The following SOX13 variants were observed in gnomAD, a reference collection of about 807,000 sequenced individuals.
The protein encoded by SOX13 is SRY-box transcription factor 13.
Under a neutral mutation model 71.8 loss-of-function variants are expected in SOX13, and 28 were observed. The observed-to-expected ratio is 0.39, with a 90% confidence interval of 0.29 to 0.53. The LOEUF is 0.53. Among genes scored for constraint, SOX13 ranks in the 20% least tolerant of loss-of-function variants. The probability of loss-of-function intolerance (pLI) is 0.70; values close to 1 mark genes in which losing one functional copy is unlikely to be tolerated. For missense variants in SOX13, 627 were observed against 810.3 expected (o/e 0.77, Z 2.75); for synonymous variants, 309 against 317.8 (o/e 0.97, Z 0.29).
Position 204,073,546 on chromosome 1 carries a change from G to GGGGC in SOX13, c.-165_-162dup, listed in dbSNP as rs1175869817. The GGGGC allele has an allele frequency of 6.6e-6, 1 of 151,584 alleles. No homozygotes were observed. Among genetic ancestry groups the GGGGC allele is most frequent in the Non-Finnish European group, 1.5e-5 (1 of 67,822 alleles). The allele number at this position is 151,584 out of a possible 1,614,324, so 9.4% of individuals were successfully genotyped here. A position where few individuals can be genotyped will look rare whatever the true frequency, so the allele number is the denominator to read the frequency against. On this transcript the variant is annotated 5_prime_UTR_variant, in exon 1 of 14. Coordinates refer to ENST00000367204, the MANE Select transcript of SOX13 (RefSeq NM_005686.3). The surrounding 1 kb of genome is among the most constrained non-coding windows in gnomAD (Gnocchi z 6.8). ...GCAGCGACTCCCCGGCCGACGGCGG[G>GGGGC]GGGCGTGCCCCCTCCCAGCCCAGCC... is the stretch of plus-strand genomic sequence containing the variant.
chr1:204,117,266 C>CA (rs1656713976), intron 6 of SOX13, 76 bp downstream of exon 6: 2 of 1,300,952 alleles, frequency 1.5e-6, no homozygotes, highest in Non-Finnish European at 2.2e-6. Flanking sequence ...GTGCTGGGGA[C>CA]AGGGGATGTG....
intron 1 of SOX13, among the ~76,000 whole-genome samples, chr1:204,091,733 CGTGTGTGTGTGT>C (rs4018610): frequency 6.7e-6 from 1 of 150,276 alleles, no homozygotes; most frequent in African/African-American, 2.5e-5. Context: ...TGTGCGTGTG[CGTGTGTGTGTGT>C]GTGTGTGTGT....
At chr1:204,103,280 A>G (rs1656396498) in intron 1 of SOX13, among the ~76,000 whole-genome samples, 1 of 152,254 alleles carries the variant, frequency 6.6e-6, no homozygotes, top group South Asian at 2.1e-4. Flanking sequence ...AACAACTGCA[A>G]TCCTGTAAGA....
chr1:204,114,645 ATC>A (rs1438180757), intron 4 of SOX13, 40 bp downstream of exon 4: 1 of 1,473,350 alleles, frequency 6.8e-7, no homozygotes. Context: ...TTTGAACCCC[ATC>A]TCTCTTCTCC....
chr1:204,119,078 G>A (rs964506963), intron 7 of SOX13: 3 of 152,416 alleles, frequency 2.0e-5, no homozygotes, highest in South Asian at 2.1e-4. Flanking sequence ...TTCCACAGGC[G>A]AGAAAGAGAG....
At chr1:204,116,072 C>CT (rs1656686639) in intron 4 of SOX13, 1 of 914,910 alleles carries the variant, frequency 1.1e-6, no homozygotes, top group Admixed American at 3.8e-5. Flanking sequence ...GGTAACTTGC[C>CT]TAACAGCTCA....
At chr1:204,087,699 TAG>T (rs1656053678) in intron 1 of SOX13, among the ~76,000 whole-genome samples, 1 of 152,208 alleles carries the variant, frequency 6.6e-6, no homozygotes, top group Non-Finnish European at 1.5e-5. Flanking sequence ...TTGCTGGAAA[TAG>T]AGTTAGATGA....
At chr1:204,111,919 CTA>C (rs1656587399) in intron 1 of SOX13, among the ~76,000 whole-genome samples, 1 of 152,134 alleles carries the variant, frequency 6.6e-6, no homozygotes, top group African/African-American at 2.4e-5. Context: ...AAGAAGAAGA[CTA>C]TATGTCTTAT....
At chr1:204,116,309 C>T (rs2102258590) in intron 4 of SOX13, 198 bp from the exon 5 acceptor site, 1 of 1,536,104 alleles carries the variant, frequency 6.5e-7, no homozygotes, top group East Asian at 2.5e-5. Flanking sequence ...AACTTCTAGG[C>T]TAGTAGTTGC....
chr1:204,105,240 C>T (rs999949900), intron 1 of SOX13, among the ~76,000 whole-genome samples: 11 of 152,268 alleles, frequency 7.2e-5, no homozygotes, highest in Admixed American at 2.6e-4. Context: ...GGCTGGAGCC[C>T]TCTCCTTAGA....
intron 1 of SOX13, among the ~76,000 whole-genome samples, chr1:204,088,171 TCTC>T (rs1318738810): frequency 6.6e-6 from 1 of 152,158 alleles, no homozygotes; most frequent in Non-Finnish European, 1.5e-5. Flanking sequence ...TCATTTACCT[TCTC>T]CTCCCTCACT....
At position 204,113,731 on chromosome 1, in the gene SOX13, G is replaced by A. The variant is rs375105008; in HGVS notation, c.220-590G>A. Among the ~76,000 whole-genome samples the A allele has an allele frequency of 4.6e-5, 7 of 152,208 alleles. No homozygotes were observed. The East Asian group carries it at 5.8e-4, about 13-fold the overall frequency. ...AGCCTGGAGGAAGGAGGTGGGGGGT[G>A]GGGGCACTGGTGATCAAGGAAGGCT... On this transcript the variant is annotated intron_variant, in intron 2 of 13. Transcript: ENST00000367204.
At chr1:204,116,390 A>G in intron 4 of SOX13, 117 bp from the exon 5 acceptor site, 1 of 1,594,712 alleles carries the variant, frequency 6.3e-7, no homozygotes, top group Non-Finnish European at 8.5e-7. Flanking sequence ...TCAGCCCCTA[A>G]TGGTCCTGGG....
rs894736886 is a variant in SOX13, at chr1:204,126,417, C to T, written c.*283C>T. The T allele has an allele frequency of 4.3e-6, 2 of 461,112 alleles. No individual in the cohort carries two copies. Among genetic ancestry groups the T allele is most frequent in the Admixed American group, 3.6e-5 (1 of 27,890 alleles). 28.6% of individuals were successfully genotyped at this position (461,112 alleles called of 1,614,324 possible). ...TGGCCAGGGGACACTGTATGACTCT[C>T]CTCTCCTGCAGGTGTCTATCCACCT... is the stretch of plus-strand genomic sequence containing the variant. On this transcript the variant is annotated 3_prime_UTR_variant, in exon 14 of 14. Coordinates refer to ENST00000367204, the MANE Select transcript of SOX13 (RefSeq NM_005686.3).
chr1:204,121,219 C>A (rs961281849), intron 7 of SOX13, among the ~76,000 whole-genome samples: 1 of 152,088 alleles, frequency 6.6e-6, no homozygotes, highest in Non-Finnish European at 1.5e-5. Flanking sequence ...GAACTCCTGA[C>A]CTTGTGATCC....
intron 1 of SOX13, 23 bp from the exon 2 acceptor site, chr1:204,112,892 A>G (rs1340027227): frequency 6.2e-7 from 1 of 1,601,036 alleles, no homozygotes; most frequent in South Asian, 1.1e-5. Flanking sequence ...GACTCACCTC[A>G]GCTCACTCTG....
intron 1 of SOX13, among the ~76,000 whole-genome samples, chr1:204,104,065 T>C (rs1312235209): frequency 6.6e-6 from 1 of 152,188 alleles, no homozygotes; most frequent in Non-Finnish European, 1.5e-5. Flanking sequence ...CTTTGTGCCC[T>C]TGGGCCAGGG....
chr1:204,122,647 A>G (rs1483551343), intron 9 of SOX13: 2 of 603,098 alleles, frequency 3.3e-6, no homozygotes, highest in Admixed American at 3.0e-5. Flanking sequence ...TTTCTAGTCT[A>G]TTGACATGCA....
In SOX13 at chr1:204,117,628, C is replaced by T. The variant is rs1407513863; in HGVS notation, c.696C>T (p.Phe232=). ...VNMPYVMIPA[F]PPSHQPLPVT... ...TGCCTTATGTCATGATCCCAGCCTT[C>T]CCCCCAAGCCACCAACCTCTGCCTG... The change falls in exon 7 of 14, where the codon TTC becomes TTT. Residue 232 remains phenylalanine, a synonymous_variant. Coordinates refer to ENST00000367204, the MANE Select transcript of SOX13 (RefSeq NM_005686.3). 6.2e-7 allele frequency: 1 copy of T among 1,613,106 alleles called. No individual in the cohort carries two copies. The highest frequency in any genetic ancestry group is 2.2e-5 in the East Asian group (1 of 44,868).
Sources: allele counts gnomAD v4.1 joint callset (sites outside exome capture counted in the v4.1 genomes callset), GRCh38; gene constraint gnomAD v4.1.1; non-coding constraint Gnocchi (gnomAD v3.1); transcripts MANE v1.5; gene names NCBI Gene and HGNC (gene_info 2026-07-23, HGNC 2026-07-21).